Variants in MEGF11 observed in about 807,000 individuals in gnomAD.
MEGF11 encodes the protein multiple epidermal growth factor-like domains protein 11.
MEGF11 carries 126 observed loss-of-function variants against 146.6 expected under a neutral mutation model. That is an observed-to-expected ratio of 0.86 (90% confidence interval 0.74 to 1.00). The LOEUF (loss-of-function observed/expected upper bound fraction) is 1.00, where lower values mean the gene tolerates loss of function less well. MEGF11 is among the 50% of genes least tolerant of loss of function. MEGF11 has a pLI of 0.00. For missense variants in MEGF11, 1,509 were observed against 1,521.2 expected (o/e 0.99, Z 0.13); for synonymous variants, 532 against 583.4 (o/e 0.91, Z 1.27).
In MEGF11 at chr15:65,922,412, C is replaced by T. The variant is rs1380200750; in HGVS notation, c.1883G>A (p.Ser628Asn). 6.3e-7 allele frequency: 1 copy of T among 1,594,506 alleles called. No homozygotes were observed. Among genetic ancestry groups the T allele is most frequent in the African/African-American group, 1.3e-5 (1 of 74,632 alleles). The change falls in exon 15 of 26, where the codon AGC becomes AAC. Residue 628 changes from serine (S) to asparagine (N), a missense_variant. By Grantham distance (46) the Ser-to-Asn change is conservative (BLOSUM62 1). Transcript: ENST00000395614. ...CAQPCPLCVH[S>N]SRPCHHISGI... ...GCTGATGTGGTGGCAGGGCCTGCTG[C>T]TGTGCACGCAGAGGGGGCATGGCTG...
rs1304516424 is a variant in MEGF11, at chr15:65,980,816, G to A, written c.724C>T (p.His242Tyr). Reference protein sequence around the residue: ...CPCQNGGTCHHITGECACPPG... With the variant: ...CPCQNGGTCHYITGECACPPG... The stretch of plus-strand genomic sequence containing the variant: ...GGGCAGGCACACTCGCCAGTGATGT[G>A]GTGGCAGGTGCCCCCATTCTGACAG... Residue 242 changes from histidine to tyrosine, a missense_variant, in exon 7 of 26, where the codon CAC becomes TAC. Physicochemically the swap from His to Tyr is moderately conservative, Grantham distance 83. Coordinates refer to ENST00000395614, the MANE Select transcript of MEGF11 (RefSeq NM_001385028.1). 1 of 1,606,042 alleles carries A rather than the reference G, an allele frequency of 6.2e-7. No individual in the cohort carries two copies. Among genetic ancestry groups the A allele is most frequent in the South Asian group, 1.1e-5 (1 of 89,242 alleles).
chr15:65,899,915 A>AG (rs2078452571), intron 24 of MEGF11, among the ~76,000 whole-genome samples: 1 of 152,102 alleles, frequency 6.6e-6, no homozygotes, highest in South Asian at 2.1e-4. Context: ...ATATGAAATG[A>AG]GGTACTGTAG....
intron 1 of MEGF11, among the ~76,000 whole-genome samples, chr15:66,192,842 A>T (rs1186896115): frequency 1.3e-5 from 2 of 152,212 alleles, no homozygotes; most frequent in African/African-American, 4.8e-5. Context: ...GCACTATATC[A>T]TTTTGCCTCC....
At chr15:66,243,360 G>T (rs182845330) in intron 1 of MEGF11, among the ~76,000 whole-genome samples, 6 of 152,202 alleles carry the variant, frequency 3.9e-5, no homozygotes, top group African/African-American at 1.4e-4. Context: ...GCCCTGACCG[G>T]GGAGGCAGGA....
In MEGF11 at chr15:65,982,239, C is replaced by T. The variant is rs1176507961; in HGVS notation, c.641+3G>A. The T allele has an allele frequency of 1.2e-5, 18 of 1,527,062 alleles. No homozygotes were observed. The highest frequency in any genetic ancestry group is 2.8e-5 in the African/African-American group (2 of 70,624). 94.6% of individuals were successfully genotyped at this position (1,527,062 alleles called of 1,614,324 possible). A position where few individuals can be genotyped will look rare whatever the true frequency, so the allele number is the denominator to read the frequency against. ...CCCCTCCAGGTCCTGCCGCATGACT[C>T]ACTAGACGCCGGTGTAGCCAGGTGC... is the stretch of plus-strand genomic sequence containing the variant. On this transcript the variant is annotated splice_donor_region_variant and intron_variant, in intron 6 of 25. Transcript: ENST00000395614. The surrounding 1 kb of genome is among the most constrained non-coding windows in gnomAD (Gnocchi z 5.6).
chr15:66,078,931 A>C (rs903885917), intron 5 of MEGF11, among the ~76,000 whole-genome samples: 3 of 151,252 alleles, frequency 2.0e-5, no homozygotes, highest in Non-Finnish European at 4.4e-5. Flanking sequence ...CACTTACAAC[A>C]CTCCCGAGTA....
In MEGF11 at chr15:66,251,505, C is replaced by T. The variant is rs114594257; in HGVS notation, c.-9+2100G>A. Among the ~76,000 whole-genome samples, 471 of 152,294 alleles carry T rather than the reference C, an allele frequency of 3.1e-3. 5 individuals are homozygous for T. The highest frequency in any genetic ancestry group is 0.011 in the African/African-American group (456 of 41,552). On this transcript the variant is annotated intron_variant, in intron 1 of 25. Transcript: ENST00000395614. ...GTGCAGGGACAGAACAGGTATGCAACAAACTGTCACATGAGTGATTTATCC... is the reference window on the plus strand; with the variant it reads ...GTGCAGGGACAGAACAGGTATGCAATAAACTGTCACATGAGTGATTTATCC...
At chr15:66,170,081 C>T (rs1255495427) in intron 1 of MEGF11, among the ~76,000 whole-genome samples, 2 of 151,976 alleles carry the variant, frequency 1.3e-5, no homozygotes, top group African/African-American at 4.8e-5. Flanking sequence ...TCCTTTTGTT[C>T]ATCTTTCTAC....
chr15:65,939,572 G>T (rs960050969), intron 10 of MEGF11, among the ~76,000 whole-genome samples: 1 of 151,028 alleles, frequency 6.6e-6, no homozygotes, highest in Non-Finnish European at 1.5e-5. Flanking sequence ...TCAGCTCACG[G>T]TAACCTCCAC....
chr15:66,086,586 C>T (rs755289404), intron 5 of MEGF11, among the ~76,000 whole-genome samples: 4 of 152,120 alleles, frequency 2.6e-5, no homozygotes, highest in Non-Finnish European at 5.9e-5. Flanking sequence ...AGGAAAGATA[C>T]GGTCGTTTTC....
chr15:65,976,854 C>CT (rs1188031220), intron 7 of MEGF11, among the ~76,000 whole-genome samples: 1 of 152,160 alleles, frequency 6.6e-6, no homozygotes, highest in Non-Finnish European at 1.5e-5. Context: ...AACAGTCGCA[C>CT]TTTAAGAGGA....
At chr15:66,090,336 A>G (rs2086271662) in intron 5 of MEGF11, among the ~76,000 whole-genome samples, 1 of 152,236 alleles carries the variant, frequency 6.6e-6, no homozygotes, top group Admixed American at 6.5e-5. Context: ...GCAAAGACAT[A>G]TGCATAAGAA....
chr15:66,251,262 AC>A (rs1189111581), intron 1 of MEGF11, among the ~76,000 whole-genome samples: 1 of 151,894 alleles, frequency 6.6e-6, no homozygotes, highest in African/African-American at 2.4e-5. Flanking sequence ...TATCCTGACA[AC>A]CCTCCTTCCC....
chr15:66,142,492 G>A (rs1049294503), intron 1 of MEGF11, among the ~76,000 whole-genome samples: 3 of 152,242 alleles, frequency 2.0e-5, no homozygotes, highest in Non-Finnish European at 2.9e-5. Context: ...CCACTGTGGA[G>A]CAATCACTAA....
intron 4 of MEGF11, among the ~76,000 whole-genome samples, chr15:66,099,813 A>G (rs2086711251): frequency 6.6e-6 from 1 of 152,104 alleles, no homozygotes; most frequent in Non-Finnish European, 1.5e-5. Flanking sequence ...GCTCATTTCC[A>G]GCTCAGAGGA....
At chr15:66,024,319 C>T (rs778194521) in intron 5 of MEGF11, among the ~76,000 whole-genome samples, 2 of 152,256 alleles carry the variant, frequency 1.3e-5, no homozygotes, top group African/African-American at 4.8e-5. Flanking sequence ...CTGGGGCGCC[C>T]GGGGCTGCGC....
intron 4 of MEGF11, among the ~76,000 whole-genome samples, chr15:66,113,020 CA>C (rs1412187092): frequency 1.3e-5 from 2 of 152,156 alleles, no homozygotes; most frequent in Non-Finnish European, 2.9e-5. Context: ...TTGTGCAAAG[CA>C]ACAGCAATAA....
intron 5 of MEGF11, among the ~76,000 whole-genome samples, chr15:66,057,456 T>A (rs2084723307): frequency 6.6e-6 from 1 of 152,138 alleles, no homozygotes; most frequent in African/African-American, 2.4e-5. Flanking sequence ...GTAAGCAGCA[T>A]CCCGTAGGAT....
At chr15:65,899,012 A>C (rs1352409467) in intron 24 of MEGF11, 78 bp from the exon 25 acceptor site, 4 of 1,388,346 alleles carry the variant, frequency 2.9e-6, no homozygotes, top group Non-Finnish European at 4.0e-6. Flanking sequence ...ACTGCAGTTG[A>C]GTTTATGTGC....
Sources: allele counts gnomAD v4.1 joint callset (sites outside exome capture counted in the v4.1 genomes callset), GRCh38; gene constraint gnomAD v4.1.1; non-coding constraint Gnocchi (gnomAD v3.1); transcripts MANE v1.5; gene names NCBI Gene and HGNC (gene_info 2026-07-23, HGNC 2026-07-21).